HNRNPH3: variants seen among roughly 807,000 people sequenced by gnomAD.
The protein encoded by HNRNPH3 is heterogeneous nuclear ribonucleoprotein H3.
Under a neutral mutation model 47.0 loss-of-function variants are expected in HNRNPH3, and 7 were observed. The observed-to-expected ratio is 0.15, with a 90% CI of 0.08 to 0.28. HNRNPH3 has a LOEUF of 0.28. Ranked by LOEUF, HNRNPH3 falls within the 10% of genes least tolerant of loss-of-function variation. HNRNPH3 has a pLI of 1.00. For missense variants in HNRNPH3, 279 were observed against 449.6 expected, an observed-to-expected ratio of 0.62 and a Z score of 3.43; for synonymous variants, 120 against 143.2, an observed-to-expected ratio of 0.84 and a Z score of 1.16.
In HNRNPH3 at chr10:68,341,829, T is replaced by C; in HGVS notation, c.942T>C (p.Thr314=). 6.2e-7 allele frequency: 1 copy of C among 1,611,348 alleles called. No homozygotes were observed. Among genetic ancestry groups the C allele is most frequent in the Non-Finnish European group, 8.5e-7 (1 of 1,178,280 alleles). The change falls in exon 9 of 10, where the codon ACT becomes ACC. Residue 314 remains threonine (T), a synonymous_variant. Transcript: ENST00000265866. ...ACAATTACAGTGGAGGATATGGTAC[T>C]CCTGATGGTTTGGGTGGTTATGGTA... The part of the protein sequence containing the change: ...MGNNYSGGYG[T]PDGLGGYGRG...
In HNRNPH3 at chr10:68,341,959, T is replaced by TTA. The variant is rs750627090; in HGVS notation, c.965-18_965-17dup. ...GCAGATATCTCCTGCTGAGTGATTCTTAATATCTTTTTCTTAAGGCCGTGG... is the reference window on the plus strand; with the variant it reads ...GCAGATATCTCCTGCTGAGTGATTCTTATAATATCTTTTTCTTAAGGCCGTGG... On this transcript the variant is annotated intron_variant, in intron 9 of 9. Coordinates refer to ENST00000265866, the MANE Select transcript of HNRNPH3 (RefSeq NM_012207.3). The TTA allele has an allele frequency of 6.2e-7, 1 of 1,612,882 alleles. No individual in the cohort carries two copies. The highest frequency in any genetic ancestry group is 8.5e-7 in the Non-Finnish European group (1 of 1,178,956).
Position 68,337,436 on chromosome 10 carries a change from G to A in HNRNPH3, c.112+103G>A. ...ACCCATTTGATTTTGGAACTTTTAA[G>A]TTTAACTATGATAGTCTTGGTTAAT... On this transcript the variant is annotated intron_variant, in intron 2 of 9. Transcript: ENST00000265866. The surrounding 1 kb of genome is among the most constrained non-coding windows in gnomAD (Gnocchi z 4.5). The A allele has an allele frequency of 1.4e-6, 1 of 705,628 alleles. No individual in the cohort carries two copies. The highest frequency in any genetic ancestry group is 1.8e-5 in the South Asian group (1 of 55,774). The allele number at this position is 705,628 out of a possible 1,614,324, so 43.7% of individuals were successfully genotyped here.
At chr10:68,332,654 G>A (rs1390272757) in intron 1 of HNRNPH3, 1 of 152,294 alleles carries the variant, frequency 6.6e-6, no homozygotes, top group Admixed American at 6.5e-5. Flanking sequence ...AGTGAAGCGA[G>A]CAGGGAAAGG....
intron 1 of HNRNPH3, chr10:68,336,700 T>G (rs1246111651): frequency 6.6e-6 from 1 of 152,484 alleles, no homozygotes; most frequent in Non-Finnish European, 1.5e-5. Flanking sequence ...TTTAAAAGGG[T>G]TAGACTTCTG....
intron 6 of HNRNPH3, among the ~76,000 whole-genome samples, chr10:68,340,898 G>A (rs777589079): frequency 5.3e-5 from 8 of 151,682 alleles, no homozygotes; most frequent in African/African-American, 1.5e-4. Context: ...CACCTCCTGC[G>A]TTCAAGCGAT....
rs2045597654 is a variant in HNRNPH3, at chr10:68,337,406, G to A, written c.112+73G>A. 7.2e-6 allele frequency: 7 copies of A among 969,574 alleles called. No individual in the cohort carries two copies. In the South Asian group the frequency reaches 1.0e-4, roughly 14 times the overall value. 60.1% of individuals were successfully genotyped at this position (969,574 alleles called of 1,614,324 possible). A position where few individuals can be genotyped will look rare whatever the true frequency, so the allele number is the denominator to read the frequency against. On this transcript the variant is annotated intron_variant, in intron 2 of 9. Transcript: ENST00000265866. This position sits in a 1 kb window ranked among gnomAD's most constrained non-coding sequence, Gnocchi z 4.5. ...TGTATTGTTTTACTGTTTTTAATTT[G>A]TAAAACCCATTTGATTTTGGAACTT...
Position 68,342,599 on chromosome 10 carries a change from C to CTG in HNRNPH3, c.*546_*547dup, listed in dbSNP as rs2046031661. 1 of 152,722 alleles carries CTG rather than the reference C, an allele frequency of 6.5e-6. No homozygotes were observed. The highest frequency in any genetic ancestry group is 2.1e-4 in the South Asian group (1 of 4,824). 9.5% of individuals were successfully genotyped at this position (152,722 alleles called of 1,614,324 possible). A position where few individuals can be genotyped will look rare whatever the true frequency, so the allele number is the denominator to read the frequency against. ...CAAATGTCATTTATCAGGCATAGCT[C>CTG]TGAAACATTGATGATCTAAGAGGTA... On this transcript the variant is annotated 3_prime_UTR_variant, in exon 10 of 10. Transcript: ENST00000265866.
chr10:68,332,941 C>T (rs1433519145), intron 1 of HNRNPH3: 1 of 152,098 alleles, frequency 6.6e-6, no homozygotes, highest in African/African-American at 2.4e-5. Flanking sequence ...CGCCCGGTGG[C>T]GAAGGGTTTT....
chr10:68,336,975 T>C (rs2045576792), intron 1 of HNRNPH3: 2 of 396,510 alleles, frequency 5.0e-6, no homozygotes, highest in Non-Finnish European at 9.0e-6. Flanking sequence ...ATAATATTGA[T>C]ACTACGAAAT....
chr10:68,337,792 C>G lies in HNRNPH3; in HGVS notation c.113-66C>G. 7.5e-7 allele frequency: 1 copy of G among 1,325,122 alleles called. No individual in the cohort carries two copies. Among genetic ancestry groups the G allele is most frequent in the Non-Finnish European group, 1.0e-6 (1 of 957,548 alleles). 82.1% of individuals were successfully genotyped at this position (1,325,122 alleles called of 1,614,324 possible). ...TTAGACTTGTTTTAAATATTTGATT[C>G]AGATGGGAATGTTTCAGCCTTTAAC... On this transcript the variant is annotated intron_variant, in intron 2 of 9. Transcript: ENST00000265866. The surrounding 1 kb of genome is among the most constrained non-coding windows in gnomAD (Gnocchi z 4.5).
chr10:68,341,006 C>T (rs1187947550), intron 6 of HNRNPH3, 168 bp from the exon 7 acceptor site: 1 of 526,930 alleles, frequency 1.9e-6, no homozygotes, highest in African/African-American at 2.0e-5. Context: ...TTTACATTAT[C>T]CCTAAGTGTA....
At chr10:68,332,474 C>T (rs548925723) in intron 1 of HNRNPH3, among the ~76,000 whole-genome samples, 1 of 152,366 alleles carries the variant, frequency 6.6e-6, no homozygotes, top group South Asian at 2.1e-4. Context: ...CAGCATTTTC[C>T]CCTTTCCCTG....
chr10:68,340,051 T>C (rs1477116463), intron 6 of HNRNPH3, among the ~76,000 whole-genome samples: 4 of 152,042 alleles, frequency 2.6e-5, no homozygotes, highest in African/African-American at 9.7e-5. Context: ...GTTTTCTTTT[T>C]TGAGACAGAG....
At chr10:68,333,714 G>A (rs1019358521) in intron 1 of HNRNPH3, among the ~76,000 whole-genome samples, 4 of 152,148 alleles carry the variant, frequency 2.6e-5, no homozygotes, top group African/African-American at 9.7e-5. Flanking sequence ...CAAAAGGGAG[G>A]AGAAAGGCCT....
rs533772278 is a variant in HNRNPH3 at position 68,339,950 on chromosome 10, G to A, written c.639+395G>A. Among the ~76,000 whole-genome samples, 27 of 152,318 alleles carry A rather than the reference G, an allele frequency of 1.8e-4. 1 individual carries two copies. The highest frequency in any genetic ancestry group is 6.3e-4 in the African/African-American group (26 of 41,562). ...TAAAAAGCTACATTCGTGAAGTCCAGTTAAGAGTATAATGAAAGACTGATC... is the reference window on the plus strand; with the variant it reads ...TAAAAAGCTACATTCGTGAAGTCCAATTAAGAGTATAATGAAAGACTGATC... On this transcript the variant is annotated intron_variant, in intron 6 of 9. Coordinates refer to ENST00000265866, the MANE Select transcript of HNRNPH3 (RefSeq NM_012207.3).
chr10:68,338,841 TGAC>T lies in HNRNPH3; in HGVS notation c.436+155_436+157del, dbSNP rs918741851. On this transcript the variant is annotated intron_variant, in intron 4 of 9. Transcript: ENST00000265866. ...GATTCCCATGGCTAGCTGTGGGACT[TGAC>T]TGATGCACATATTGGCACCTAGAAA... 9 of 584,162 alleles carry T rather than the reference TGAC, an allele frequency of 1.5e-5. No homozygotes were observed. The African/African-American group carries it at 1.7e-4, about 11-fold the overall frequency. 36.2% of individuals were successfully genotyped at this position (584,162 alleles called of 1,614,324 possible).
At chr10:68,333,278 T>G (rs2045316422) in intron 1 of HNRNPH3, among the ~76,000 whole-genome samples, 2 of 118,126 alleles carry the variant, frequency 1.7e-5, no homozygotes, top group East Asian at 2.7e-4. Context: ...TTTTTGAACT[T>G]TCGGGGTGGG....
intron 1 of HNRNPH3, among the ~76,000 whole-genome samples, chr10:68,334,531 T>C (rs2045427722): frequency 1.3e-5 from 2 of 152,198 alleles, no homozygotes; most frequent in South Asian, 4.1e-4. Context: ...TTAGAACATT[T>C]TTGTCACTCC....
chr10:68,340,152 A>G (rs2134739379), intron 6 of HNRNPH3, among the ~76,000 whole-genome samples: 1 of 152,192 alleles, frequency 6.6e-6, no homozygotes, highest in East Asian at 1.9e-4. Context: ...CTTCTGCCTC[A>G]GCCTCCTGAA....
Sources: allele counts gnomAD v4.1 joint callset (sites outside exome capture counted in the v4.1 genomes callset), GRCh38; gene constraint gnomAD v4.1.1; non-coding constraint Gnocchi (gnomAD v3.1); transcripts MANE v1.5; gene names NCBI Gene and HGNC (gene_info 2026-07-23, HGNC 2026-07-21).